SSPN: variants seen among roughly 807,000 people sequenced by gnomAD.
SSPN encodes sarcospan.
Under a neutral mutation model 19.1 loss-of-function variants are expected in SSPN, and 15 were observed. That is an observed-to-expected ratio of 0.78 (90% CI 0.52 to 1.21). The LOEUF is 1.21. SSPN is among the 50% of genes most tolerant of loss of function. The pLI is 0.00. For missense variants in SSPN, 291 were observed against 314.0 expected, an observed-to-expected ratio of 0.93 and a Z score of 0.55; for synonymous variants, 147 against 140.3, an observed-to-expected ratio of 1.05 and a Z score of -0.34.
chr12:26,177,816 C>A (rs1306383419), intron 1 of SSPN, among the ~76,000 whole-genome samples: 1 of 152,180 alleles, frequency 6.6e-6, no homozygotes, highest in East Asian at 1.9e-4. Context: ...ACACACTCAT[C>A]ATGCACAGGA....
intron 1 of SSPN, among the ~76,000 whole-genome samples, chr12:26,212,428 G>C (rs1299328231): frequency 6.6e-6 from 1 of 152,134 alleles, no homozygotes; most frequent in East Asian, 1.9e-4. Context: ...GAGAAATTTT[G>C]ACCTGGATTT....
At chr12:26,206,669 C>T (rs1431010328) in intron 1 of SSPN, among the ~76,000 whole-genome samples, 1 of 152,166 alleles carries the variant, frequency 6.6e-6, no homozygotes, top group Non-Finnish European at 1.5e-5. Context: ...CTTCTGAGGG[C>T]TTGAAAATCC....
intron 1 of SSPN, among the ~76,000 whole-genome samples, chr12:26,207,103 G>A (rs988777327): frequency 6.6e-6 from 1 of 152,238 alleles, no homozygotes; most frequent in African/African-American, 2.4e-5. Context: ...AAAGAAAGGA[G>A]AGGGGGTCTG....
chr12:26,167,372 G>A (rs894689619), intron 1 of SSPN, among the ~76,000 whole-genome samples: 4 of 152,172 alleles, frequency 2.6e-5, no homozygotes, highest in African/African-American at 9.7e-5. Context: ...GCAGCAGAGT[G>A]TATAAAAGGA....
intron 1 of SSPN, among the ~76,000 whole-genome samples, chr12:26,136,307 TAA>T (rs1368836862): frequency 6.6e-6 from 1 of 152,158 alleles, no homozygotes; most frequent in Non-Finnish European, 1.5e-5. Flanking sequence ...TACCAAGGGA[TAA>T]GTGTGTTTCA....
chr12:26,188,639 A>C (rs1944768727), intron 1 of SSPN, among the ~76,000 whole-genome samples: 1 of 152,260 alleles, frequency 6.6e-6, no homozygotes, highest in African/African-American at 2.4e-5. Context: ...AGGATTTTAA[A>C]GAAATGTTGT....
Position 26,234,049 on chromosome 12 carries a change from T to C in SSPN, c.*2973T>C, listed in dbSNP as rs924168733. 2 of 152,150 alleles carry C rather than the reference T, an allele frequency of 1.3e-5. No individual in the cohort carries two copies. The highest frequency in any genetic ancestry group is 2.9e-5 in the Non-Finnish European group (2 of 68,030). The allele number at this position is 152,150 out of a possible 1,614,324, so 9.4% of individuals were successfully genotyped here. ...TTTTTTTCTTTGGATTAAAAGTGTA[T>C]ATCTCTCTACTGAGGGGTTTCCAGC... On this transcript the variant is annotated 3_prime_UTR_variant, in exon 3 of 3. Transcript: ENST00000242729.
chr12:26,230,307 T>C (rs1235417736), intron 2 of SSPN, among the ~76,000 whole-genome samples: 1 of 152,272 alleles, frequency 6.6e-6, no homozygotes, highest in Admixed American at 6.5e-5. Context: ...ACCTGTTCTT[T>C]ACTTCCTAGT....
rs569068519 is a variant in SSPN at position 26,234,500 on chromosome 12, G to A, written c.*3424G>A. 2.0e-5 allele frequency: 3 copies of A among 152,272 alleles called. No homozygotes were observed. The highest frequency in any genetic ancestry group is 2.0e-4 in the Admixed American group (3 of 15,304). The allele number at this position is 152,272 out of a possible 1,614,324, so 9.4% of individuals were successfully genotyped here. A position where few individuals can be genotyped will look rare whatever the true frequency, so the allele number is the denominator to read the frequency against. ...GATGGCAAATGTATTGACTCACAGTGGAAACATTCATTTGGATGAAGAATT... is the reference window on the plus strand; with the variant it reads ...GATGGCAAATGTATTGACTCACAGTAGAAACATTCATTTGGATGAAGAATT... On this transcript the variant is annotated 3_prime_UTR_variant, in exon 3 of 3. Transcript: ENST00000242729.
chr12:26,198,169 G>GA (rs922447066), intron 1 of SSPN, among the ~76,000 whole-genome samples: 1 of 148,796 alleles, frequency 6.7e-6, no homozygotes, highest in Non-Finnish European at 1.5e-5. Context: ...TGAGTTTTGG[G>GA]GGGGGGTTTT....
At chr12:26,172,500 A>G (rs1056613194) in intron 1 of SSPN, among the ~76,000 whole-genome samples, 6 of 152,236 alleles carry the variant, frequency 3.9e-5, no homozygotes, top group South Asian at 2.1e-4. Flanking sequence ...AGATGAGGAT[A>G]TAACTCATTT....
At chr12:26,210,285 G>A (rs1404166838) in intron 1 of SSPN, among the ~76,000 whole-genome samples, 5 of 151,870 alleles carry the variant, frequency 3.3e-5, no homozygotes, top group African/African-American at 1.2e-4. Flanking sequence ...GAAAGATGAA[G>A]ACTAAAAAAT....
At chr12:26,219,668 AT>A (rs10709148) in intron 1 of SSPN, among the ~76,000 whole-genome samples, 24,680 of 152,180 alleles carry the variant, frequency 0.16, 2,692 homozygotes, top group Admixed American at 0.31. Context: ...TAAAGTGATG[AT>A]TACCGTCTTT....
intron 1 of SSPN, among the ~76,000 whole-genome samples, chr12:26,187,341 C>T (rs982256680): frequency 2.0e-5 from 3 of 152,232 alleles, no homozygotes; most frequent in South Asian, 4.1e-4. Context: ...GTCCAATACA[C>T]CATGTGTGAG....
intron 1 of SSPN, among the ~76,000 whole-genome samples, chr12:26,200,458 G>A (rs1385428618): frequency 2.0e-5 from 3 of 152,136 alleles, no homozygotes; most frequent in African/African-American, 7.2e-5. Flanking sequence ...TTATTTTAAA[G>A]CAGAATATAC....
At chr12:26,203,225 T>G (rs1476454375) in intron 1 of SSPN, among the ~76,000 whole-genome samples, 1 of 152,210 alleles carries the variant, frequency 6.6e-6, no homozygotes. Context: ...TGTAATCTAG[T>G]CATTAAACTT....
At chr12:26,221,546 T>C (rs1178762689) in intron 1 of SSPN, among the ~76,000 whole-genome samples, 3 of 152,246 alleles carry the variant, frequency 2.0e-5, no homozygotes, top group Admixed American at 2.0e-4. Context: ...TGAGGTCATG[T>C]GTTCCTATGC....
intron 1 of SSPN, among the ~76,000 whole-genome samples, chr12:26,170,057 A>T (rs1325704540): frequency 6.6e-6 from 1 of 152,168 alleles, no homozygotes; most frequent in Non-Finnish European, 1.5e-5. Flanking sequence ...AAATCATCTG[A>T]AGAGACAGTG....
rs542141552 is a variant in SSPN at position 26,214,796 on chromosome 12, A to G, written c.280-9497A>G. 2.0e-5 allele frequency: 3 copies of G among 152,336 alleles called. No individual in the cohort carries two copies. In the East Asian group the frequency reaches 5.8e-4, roughly 29 times the overall value. The allele number at this position is 152,336 out of a possible 1,614,324, so 9.4% of individuals were successfully genotyped here. On this transcript the variant is annotated intron_variant, in intron 1 of 2. Coordinates refer to ENST00000242729, the MANE Select transcript of SSPN (RefSeq NM_005086.5). ...CTTTTACCTAAAAATATAATGAAAA[A>G]GAATTAATAATAATAATAACAAATA...
Sources: gnomAD v4.1 joint callset for allele counts (sites outside exome capture counted in the v4.1 genomes callset) on GRCh38, gnomAD v4.1.1 for gene constraint, MANE v1.5 for transcripts, NCBI Gene and HGNC (gene_info 2026-07-23, HGNC 2026-07-21) for gene names.